DNA2: variants seen among roughly 807,000 people sequenced by gnomAD.
DNA2 encodes DNA replication ATP-dependent helicase/nuclease DNA2.
A neutral mutation model predicts 119.1 loss-of-function variants in DNA2; 101 were observed. The observed-to-expected ratio is 0.85, with a 90% CI of 0.72 to 1.00. DNA2 has a LOEUF of 1.00. Ranked by LOEUF, DNA2 falls within the 50% of genes least tolerant of loss-of-function variation. The pLI, the probability that DNA2 is intolerant of heterozygous loss-of-function variation, is 0.00. For synonymous variants in DNA2, 366 were observed against 424.4 expected (o/e 0.86, Z 1.69); for missense variants, 1,121 against 1,255.5 (o/e 0.89, Z 1.62).
chr10:68,459,843 A>G (rs2052231513), intron 4 of DNA2, among the ~76,000 whole-genome samples: 1 of 152,118 alleles, frequency 6.6e-6, no homozygotes, highest in Admixed American at 6.6e-5. Context: ...CCTGGCCAAC[A>G]TGGTGAAACG....
intron 14 of DNA2, among the ~76,000 whole-genome samples, chr10:68,428,967 T>C (rs1465826019): frequency 6.6e-6 from 1 of 152,182 alleles, no homozygotes; most frequent in Non-Finnish European, 1.5e-5. Context: ...ACACAGGCTC[T>C]CTCTAGTATT....
Position 68,414,926 on chromosome 10 carries a change from G to A in DNA2, c.*113C>T, listed in dbSNP as rs2051568635. 6.3e-6 allele frequency: 4 copies of A among 638,526 alleles called. No individual in the cohort carries two copies. In the East Asian group the frequency reaches 8.8e-5, roughly 14 times the overall value. The allele number at this position is 638,526 out of a possible 1,614,324, so 39.6% of individuals were successfully genotyped here. A position where few individuals can be genotyped will look rare whatever the true frequency, so the allele number is the denominator to read the frequency against. The stretch of plus-strand genomic sequence containing the variant: ...ACTTTTCACAGTTTTCGGTACACCT[G>A]TGCTTTAAAACATAAATACTGCATT... On this transcript the variant is annotated 3_prime_UTR_variant, in exon 21 of 21. Coordinates refer to ENST00000358410, the MANE Select transcript of DNA2 (RefSeq NM_001080449.3).
chr10:68,449,489 C>T (rs1260981451), intron 6 of DNA2, among the ~76,000 whole-genome samples: 1 of 152,074 alleles, frequency 6.6e-6, no homozygotes, highest in Non-Finnish European at 1.5e-5. Flanking sequence ...CAATTAATAG[C>T]AAAAGGCTGG....
In DNA2 at chr10:68,461,732, G is replaced by C. The variant is rs1166979424; in HGVS notation, c.588-2497C>G. Among the ~76,000 whole-genome samples the C allele has an allele frequency of 3.3e-5, 5 of 150,996 alleles. No individual in the cohort carries two copies. In the Admixed American group the frequency reaches 3.3e-4, roughly 10 times the overall value. On this transcript the variant is annotated intron_variant, in intron 4 of 20. Transcript: ENST00000358410. ...AATCCCAGCTACTCGGGAGGCTGAGGCAAGATAATTGCTTGAACCCGGAAG... is the reference window on the plus strand; with the variant it reads ...AATCCCAGCTACTCGGGAGGCTGAGCCAAGATAATTGCTTGAACCCGGAAG...
At chr10:68,440,017 T>C (rs2051946846) in intron 9 of DNA2, among the ~76,000 whole-genome samples, 1 of 149,644 alleles carries the variant, frequency 6.7e-6, no homozygotes, top group South Asian at 2.1e-4. Flanking sequence ...AAAAAAAATT[T>C]TTTTGGCTGG....
chr10:68,464,448 G>A (rs1465257240), intron 4 of DNA2, among the ~76,000 whole-genome samples: 2 of 151,798 alleles, frequency 1.3e-5, no homozygotes, highest in Non-Finnish European at 2.9e-5. Context: ...CCGGGAGGTA[G>A]AGGCTGCAAT....
In DNA2 at chr10:68,419,030, TCA is replaced by T; in HGVS notation, c.2967+2_2967+3del. 1 of 1,581,154 alleles carries T rather than the reference TCA, an allele frequency of 6.3e-7. No individual in the cohort carries two copies. ...TGAATCAGTAGCAAACACAATTAAC[TCA>T]CAGTTCCATCCTTATTACTTCTAAC... is the stretch of plus-strand genomic sequence containing the variant. On this transcript the variant is annotated splice_donor_variant and splice_donor_region_variant and intron_variant, in intron 19 of 20. Transcript: ENST00000358410. LOFTEE classifies it high-confidence loss of function.
chr10:68,437,694 T>C (rs2051909627), intron 9 of DNA2, among the ~76,000 whole-genome samples: 1 of 148,488 alleles, frequency 6.7e-6, no homozygotes, highest in African/African-American at 2.6e-5. Flanking sequence ...CAGACTAATA[T>C]TGAGCCTGTC....
intron 18 of DNA2, chr10:68,419,425 T>G: frequency 1.9e-6 from 1 of 538,006 alleles, no homozygotes; most frequent in East Asian, 3.1e-5. Context: ...CCCTTAATTT[T>G]TAGTTTCATG....
chr10:68,432,564 T>G, intron 10 of DNA2, 54 bp from the exon 11 acceptor site: 1 of 976,952 alleles, frequency 1.0e-6, no homozygotes, highest in Non-Finnish European at 1.6e-6. Context: ...ATAGTCTGTA[T>G]AAGAAATATG....
chr10:68,431,446 G>A (rs35066436), intron 13 of DNA2, among the ~76,000 whole-genome samples: 10,702 of 151,984 alleles, frequency 0.07, 556 homozygotes, highest in African/African-American at 0.15. Flanking sequence ...CACTACGCCC[G>A]GCTAATTTTT....
At chr10:68,448,968 C>CGTGTGTGT (rs59756256) in intron 6 of DNA2, among the ~76,000 whole-genome samples, 28 of 109,654 alleles carry the variant, frequency 2.6e-4, no homozygotes, top group South Asian at 4.0e-4. Flanking sequence ...TGTGTGTGTG[C>CGTGTGTGT]GTGTGTGTGT....
chr10:68,430,498 C>T lies in DNA2; in HGVS notation c.2146G>A (p.Glu716Lys), dbSNP rs2051805659. The change falls in exon 14 of 21, where the codon GAA (glutamate) becomes AAA (lysine). Residue 716 changes from glutamate to lysine, a missense_variant. Transcript: ENST00000358410. The stretch of plus-strand genomic sequence containing the variant: ...TTAATGGACTTTGATCTGCAAATTT[C>T]TTGCTCTGTAAATTGCTGGATAGCT... ...HPAIQQFTEQ[E>K]ICRSKSIKSL... The T allele has an allele frequency of 6.2e-7, 1 of 1,611,970 alleles. No individual in the cohort carries two copies. Among genetic ancestry groups the T allele is most frequent in the South Asian group, 1.1e-5 (1 of 90,560 alleles).
In DNA2 at chr10:68,450,214, A is replaced by C. The variant is rs1164176056; in HGVS notation, c.753T>G (p.Cys251Trp). 6.3e-7 allele frequency: 1 copy of C among 1,590,448 alleles called. No individual in the cohort carries two copies. The highest frequency in any genetic ancestry group is 2.3e-5 in the East Asian group (1 of 44,388). ...CCATTGGTTTCACGACTTCAATGTT[A>C]CATGTTGAATTATCCTTACTATTAT... Reference protein sequence around the residue: ...PSDNSKDNSTCNIEVVKPMDI... With the variant: ...PSDNSKDNSTWNIEVVKPMDI... The change falls in exon 6 of 21, where the codon TGT (cysteine) becomes TGG (tryptophan). Residue 251 changes from cysteine (C) to tryptophan (W), a missense_variant. Physicochemically the swap from Cys to Trp is radical, Grantham distance 215. Coordinates refer to ENST00000358410, the MANE Select transcript of DNA2 (RefSeq NM_001080449.3).
chr10:68,428,372 C>T (rs2051771700), intron 14 of DNA2, among the ~76,000 whole-genome samples: 1 of 151,896 alleles, frequency 6.6e-6, no homozygotes, highest in South Asian at 2.1e-4. Flanking sequence ...GGAGATCACT[C>T]ATACACGTGA....
intron 5 of DNA2, among the ~76,000 whole-genome samples, chr10:68,458,542 A>C (rs1470597718): frequency 7.1e-6 from 1 of 141,366 alleles, no homozygotes; most frequent in Non-Finnish European, 1.5e-5. Flanking sequence ...TCAAAAAAGA[A>C]AAAAAAAAAA....
At chr10:68,439,321 G>C (rs1047706049) in intron 9 of DNA2, among the ~76,000 whole-genome samples, 1 of 151,978 alleles carries the variant, frequency 6.6e-6, no homozygotes, top group Non-Finnish European at 1.5e-5. Flanking sequence ...TTGAACCTCG[G>C]AGGCGGAGGT....
chr10:68,437,762 C>A (rs7905556), intron 9 of DNA2, among the ~76,000 whole-genome samples: 45,789 of 151,996 alleles, frequency 0.3, 8,236 homozygotes, highest in African/African-American at 0.49. Flanking sequence ...TAAACATTCT[C>A]TTAGTTTCTG....
upstream of DNA2, chr10:68,472,190 G>GT (rs1358473954): frequency 3.7e-5 from 47 of 1,270,764 alleles, no homozygotes; most frequent in Middle Eastern, 4.3e-4. Context: ...AACCTCCCGG[G>GT]TTCACACCAT....
Sources: allele counts gnomAD v4.1 joint callset (sites outside exome capture counted in the v4.1 genomes callset), GRCh38; gene constraint gnomAD v4.1.1; transcripts MANE v1.5; gene names NCBI Gene and HGNC (gene_info 2026-07-23, HGNC 2026-07-21).